WNK4: variants seen among roughly 807,000 people sequenced by gnomAD.
WNK4 encodes the protein serine/threonine-protein kinase WNK4.
Under a neutral mutation model 116.2 loss-of-function variants are expected in WNK4, and 94 were observed. The observed-to-expected ratio is 0.81, with a 90% CI of 0.68 to 0.96. The LOEUF (loss-of-function observed/expected upper bound fraction) is 0.96, where lower values mean the gene tolerates loss of function less well. Among genes scored for constraint, WNK4 ranks in the 40% least tolerant of loss-of-function variants. The pLI is 0.00. For missense variants in WNK4, 1,542 were observed against 1,650.6 expected (o/e 0.93, Z 1.14); for synonymous variants, 655 against 672.7 (o/e 0.97, Z 0.41).
At position 42,780,713 on chromosome 17, in the gene WNK4, G is replaced by A. The variant is rs768740797; in HGVS notation, c.15G>A (p.Pro5=). 29 of 1,608,356 alleles carry A rather than the reference G, an allele frequency of 1.8e-5. No individual in the cohort carries two copies. The Admixed American group carries it at 2.3e-4, about 13-fold the overall frequency. The change falls in exon 1 of 19, where the codon CCG becomes CCA. Residue 5 remains proline (P), a synonymous_variant. Transcript: ENST00000246914. The part of the protein sequence containing the change: MLAS[P]ATETTVLMSQ... ...TGCTCTTCCTCATGTTGGCATCCCC[G>A]GCCACGGAGACCACCGTCCTCATGT... is the stretch of plus-strand genomic sequence containing the variant.
At position 42,785,402 on chromosome 17, in the gene WNK4, G is replaced by T; in HGVS notation, c.1396G>T (p.Gly466Trp). 6.4e-7 allele frequency: 1 copy of T among 1,574,720 alleles called. No homozygotes were observed. The highest frequency in any genetic ancestry group is 8.6e-7 in the Non-Finnish European group (1 of 1,159,920). The change falls in exon 6 of 19, where the codon GGG (glycine) becomes TGG (tryptophan). Residue 466 changes from glycine (G) to tryptophan (W), a missense_variant. Gly to Trp is a radical substitution (Grantham distance 184, BLOSUM62 -2). Around this residue, in one of 7 missense-constraint regions of WNK4, gnomAD observed 808 missense variants for 873.6 expected, o/e 0.92. Transcript: ENST00000246914. ...WLRMEDARRGGRPRDNQAIEF... is the reference protein window; with the variant it reads ...WLRMEDARRGWRPRDNQAIEF... ...GCGCATGGAGGACGCGCGGCGCGGG[G>T]GGCGCCCACGGGACAACCAGGCCAT...
chr17:42,782,693 A>T lies in WNK4; in HGVS notation c.619-65A>T. The T allele has an allele frequency of 3.8e-6, 6 of 1,594,134 alleles. No homozygotes were observed. Among genetic ancestry groups the T allele is most frequent in the Non-Finnish European group, 5.1e-6 (6 of 1,167,406 alleles). ...TCACCTCTTCCCCCAACCCCACTCCAGGTGTCCCTCTTCCTTTCTGTGGGT... is the reference window on the plus strand; with the variant it reads ...TCACCTCTTCCCCCAACCCCACTCCTGGTGTCCCTCTTCCTTTCTGTGGGT... On this transcript the variant is annotated intron_variant, in intron 1 of 18. Coordinates refer to ENST00000246914, the MANE Select transcript of WNK4 (RefSeq NM_032387.5). This position sits in a 1 kb window ranked among gnomAD's most constrained non-coding sequence, Gnocchi z 4.2.
rs773000314 is a variant in WNK4, at chr17:42,796,011, G to A, written c.3409G>A (p.Glu1137Lys). The A allele has an allele frequency of 1.2e-6, 2 of 1,613,896 alleles. No homozygotes were observed. Among genetic ancestry groups the A allele is most frequent in the South Asian group, 2.2e-5 (2 of 91,076 alleles). ...SSGEDEEFWAELQSLRQKHLS... is the reference protein window; with the variant it reads ...SSGEDEEFWAKLQSLRQKHLS... Reference sequence around the variant, plus strand: ...TGGGGAAGATGAGGAGTTCTGGGCTGAGCTGCAGAGTCTTCGGCAGAAGTG... The same window carrying A: ...TGGGGAAGATGAGGAGTTCTGGGCTAAGCTGCAGAGTCTTCGGCAGAAGTG... The change falls in exon 16 of 19, where the codon GAG becomes AAG. Residue 1137 changes from glutamate to lysine, a missense_variant. Glu to Lys is a moderately conservative substitution (Grantham distance 56). This residue lies in a region of WNK4 where 148 missense variants were observed against 157.2 expected (regional missense o/e 0.94). Coordinates refer to ENST00000246914, the MANE Select transcript of WNK4 (RefSeq NM_032387.5).
rs1000356260 is a variant in WNK4, at chr17:42,781,317, G to A, written c.618+1G>A. 1 of 1,614,010 alleles carries A rather than the reference G, an allele frequency of 6.2e-7. No homozygotes were observed. The highest frequency in any genetic ancestry group is 1.3e-5 in the African/African-American group (1 of 74,924). On this transcript the variant is annotated splice_donor_variant, in intron 1 of 18. Transcript: ENST00000246914. LOFTEE classifies it high-confidence loss of function. Reference sequence around the variant, plus strand: ...GGAGGTGGCCTGGTGTGAGCTGCAGGTGCGGCTGGGAGCCCCCTCGGTGGC... The same window carrying A: ...GGAGGTGGCCTGGTGTGAGCTGCAGATGCGGCTGGGAGCCCCCTCGGTGGC...
At chr17:42,794,689 T>C in intron 13 of WNK4, 21 bp downstream of exon 13, 1 of 1,613,864 alleles carries the variant, frequency 6.2e-7, no homozygotes, top group Non-Finnish European at 8.5e-7. Flanking sequence ...AGTTGTGTCC[T>C]TGCTCATCCC....
chr17:42,780,970 G>A lies in WNK4; in HGVS notation c.272G>A (p.Gly91Asp). ...CCCCCCGATCCTCCGGACTCCGCTG[G>A]TCCTGGCCCCGCGAGGAGCCCACCG... Reference protein sequence around the residue: ...PDPPDPPDSAGPGPARSPPPS... With the variant: ...PDPPDPPDSADPGPARSPPPS... The change falls in exon 1 of 19, where the codon GGT (glycine) becomes GAT (aspartate). Residue 91 changes from glycine to aspartate, a missense_variant. By Grantham distance (94) the Gly-to-Asp change is moderately conservative (BLOSUM62 -1). This residue lies in a region of WNK4 where 243 missense variants were observed against 217.8 expected (regional missense o/e 1.12). Coordinates refer to ENST00000246914, the MANE Select transcript of WNK4 (RefSeq NM_032387.5). The A allele has an allele frequency of 3.7e-6, 6 of 1,610,430 alleles. No homozygotes were observed. The highest frequency in any genetic ancestry group is 5.1e-6 in the Non-Finnish European group (6 of 1,179,598).
rs2054520513 is a variant in WNK4 at position 42,784,496 on chromosome 17, A to T, written c.1087A>T (p.Met363Leu). ...GGCCGTGGACGTGTACGCGTTCGGC[A>T]TGTGCATGCTGGAGATGGCCACCTC... is the stretch of plus-strand genomic sequence containing the variant. The part of the protein sequence containing the change: ...DEAVDVYAFG[M>L]CMLEMATSEY... The change falls in exon 4 of 19, where the codon ATG (methionine) becomes TTG (leucine). Residue 363 changes from methionine to leucine, a missense_variant. Transcript: ENST00000246914. The surrounding 1 kb of genome is among the most constrained non-coding windows in gnomAD (Gnocchi z 4.4). The T allele has an allele frequency of 6.2e-7, 1 of 1,613,916 alleles. No homozygotes were observed. The highest frequency in any genetic ancestry group is 2.2e-5 in the East Asian group (1 of 44,850).
Position 42,794,956 on chromosome 17 carries a change from CATTTCTT to C in WNK4, c.2536_2542del (p.Ile846ProfsTer87), listed in dbSNP as rs2054647792. The C allele has an allele frequency of 6.2e-7, 1 of 1,612,782 alleles. No homozygotes were observed. The highest frequency in any genetic ancestry group is 1.7e-5 in the Admixed American group (1 of 59,850). On this transcript the variant is annotated frameshift_variant, in exon 14 of 19. Transcript: ENST00000246914. LOFTEE classifies it high-confidence loss of function. ...ATCCCAGCCCCTCCCCATTCTCCCC[CATTTCTT>C]CCCAGGTCTCCTCAAATCCCTCTCC...
In WNK4 at chr17:42,788,699, A is replaced by G; in HGVS notation, c.2059A>G (p.Arg687Gly). 1.2e-6 allele frequency: 2 copies of G among 1,613,954 alleles called. No homozygotes were observed. Among genetic ancestry groups the G allele is most frequent in the Non-Finnish European group, 8.5e-7 (1 of 1,179,874 alleles). The change falls in exon 11 of 19, where the codon AGA (arginine) becomes GGA (glycine). Residue 687 changes from arginine (R) to glycine (G), a missense_variant. Physicochemically the swap from Arg to Gly is moderately radical, Grantham distance 125. Coordinates refer to ENST00000246914, the MANE Select transcript of WNK4 (RefSeq NM_032387.5). ...RVTSVSDQNDRVVECQLQTHN... is the reference protein window; with the variant it reads ...RVTSVSDQNDGVVECQLQTHN... ...TCTGAAGGTCTCAGACCAGAATGAC[A>G]GAGTGGTTGAGTGCCAGCTACAGAC...
At chr17:42,785,914 G>T (rs372196828) in intron 6 of WNK4, among the ~76,000 whole-genome samples, 1 of 151,956 alleles carries the variant, frequency 6.6e-6, no homozygotes, top group Non-Finnish European at 1.5e-5. Flanking sequence ...CCCACTATCG[G>T]TCCTGTCTTA....
chr17:42,796,496 ACT>A lies in WNK4; in HGVS notation c.3652_3653del (p.Leu1218GlufsTer53), dbSNP rs772009924. ...CTGCTCCCAGGCATCATGCGAAGGA[ACT>A]CTCTGAGTGGCAGCAGCACCGGCTC... On this transcript the variant is annotated frameshift_variant, in exon 18 of 19. Coordinates refer to ENST00000246914, the MANE Select transcript of WNK4 (RefSeq NM_032387.5). LOFTEE classifies it high-confidence loss of function. 13 of 1,613,940 alleles carry A rather than the reference ACT, an allele frequency of 8.1e-6. No individual in the cohort carries two copies. In the African/African-American group the frequency reaches 9.3e-5, roughly 12 times the overall value.
At chr17:42,789,532 C>T (rs190677770) in intron 11 of WNK4, among the ~76,000 whole-genome samples, 98 of 152,004 alleles carry the variant, frequency 6.4e-4, no homozygotes, top group Non-Finnish European at 9.4e-4. Flanking sequence ...GGTGTGGTGG[C>T]GCATGCCTGT....
intron 11 of WNK4, among the ~76,000 whole-genome samples, chr17:42,789,665 AAAATAAAT>A (rs3138622): frequency 0.03 from 4,294 of 143,070 alleles, 197 homozygotes; most frequent in African/African-American, 0.1. Context: ...ATTCTGTCTA[AAAATAAAT>A]AAATAAATAA....
At chr17:42,783,334 A>G (rs914595248) in intron 2 of WNK4, among the ~76,000 whole-genome samples, 1 of 152,154 alleles carries the variant, frequency 6.6e-6, no homozygotes, top group African/African-American at 2.4e-5. Flanking sequence ...AGCCTGGAGA[A>G]TCTTTCCCAG....
At position 42,782,090 on chromosome 17, in the gene WNK4, A is replaced by G. The variant is rs1445825888; in HGVS notation, c.619-668A>G. On this transcript the variant is annotated intron_variant, in intron 1 of 18. Transcript: ENST00000246914. The surrounding 1 kb of genome is among the most constrained non-coding windows in gnomAD (Gnocchi z 4.2). ...GCTTCCGATTCAGATCAGGGGACAG[A>G]GCCTAGGGGAAGGGTCCCTCTCCAG... Among the ~76,000 whole-genome samples the G allele has an allele frequency of 6.6e-6, 1 of 152,132 alleles. No individual in the cohort carries two copies. The highest frequency in any genetic ancestry group is 2.4e-5 in the African/African-American group (1 of 41,430).
rs142280606 is a variant in WNK4, at chr17:42,784,130, C to T, written c.985C>T (p.Arg329Cys). The T allele has an allele frequency of 5.7e-5, 91 of 1,608,222 alleles. 1 individual carries two copies. In the Middle Eastern group the frequency reaches 1.3e-3, roughly 23 times the overall value. Residue 329 changes from arginine to cysteine, a missense_variant, in exon 3 of 19, where the codon CGC becomes TGC. Around this residue, in one of 7 missense-constraint regions of WNK4, gnomAD observed 808 missense variants for 873.6 expected, o/e 0.92. Transcript: ENST00000246914. This position sits in a 1 kb window ranked among gnomAD's most constrained non-coding sequence, Gnocchi z 4.4. ...IGDLGLATLK[R>C]ASFAKSVIGT... Reference sequence around the variant, plus strand: ...GGACCTGGGCCTGGCCACGCTCAAGCGCGCCTCCTTTGCCAAGAGTGTCAT... The same window carrying T: ...GGACCTGGGCCTGGCCACGCTCAAGTGCGCCTCCTTTGCCAAGAGTGTCAT...
At chr17:42,788,621 G>T (rs1462385440) in intron 10 of WNK4, 60 bp from the exon 11 acceptor site, 3 of 1,411,594 alleles carry the variant, frequency 2.1e-6, no homozygotes, top group Non-Finnish European at 2.0e-6. Flanking sequence ...GGGTAGGGTG[G>T]AGACACAGCA....
rs767667633 is a variant in WNK4, at chr17:42,788,730, A to G, written c.2090A>G (p.Asn697Ser). 6.2e-7 allele frequency: 1 copy of G among 1,614,152 alleles called. No individual in the cohort carries two copies. Among genetic ancestry groups the G allele is most frequent in the South Asian group, 1.1e-5 (1 of 91,072 alleles). ...GTTGAGTGCCAGCTACAGACCCATA[A>G]CAGCAAGATGGTGACCTTCCGATTT... ...RVVECQLQTH[N>S]SKMVTFRFDL... is the part of the protein sequence containing the mutation. The change falls in exon 11 of 19, where the codon AAC becomes AGC. Residue 697 changes from asparagine to serine, a missense_variant. By Grantham distance (46) the Asn-to-Ser change is conservative. Coordinates refer to ENST00000246914, the MANE Select transcript of WNK4 (RefSeq NM_032387.5).
In WNK4 at chr17:42,784,984, T is replaced by G; in HGVS notation, c.1171-113T>G. ...CATCTTCCAGTAGCAGTCAGGCTTT[T>G]GCAACTGCACGCGCAGCTGCCTAAG... On this transcript the variant is annotated intron_variant, in intron 4 of 18. Transcript: ENST00000246914. The surrounding 1 kb of genome is among the most constrained non-coding windows in gnomAD (Gnocchi z 4.4). 1 of 1,068,788 alleles carries G rather than the reference T, an allele frequency of 9.4e-7. No individual in the cohort carries two copies. Among genetic ancestry groups the G allele is most frequent in the Non-Finnish European group, 1.4e-6 (1 of 717,896 alleles). 66.2% of individuals were successfully genotyped at this position (1,068,788 alleles called of 1,614,324 possible).
Sources: gnomAD v4.1 joint callset for allele counts (sites outside exome capture counted in the v4.1 genomes callset) on GRCh38, gnomAD v4.1.1 for gene constraint, gnomAD v4.1.1 regional missense constraint, Gnocchi (gnomAD v3.1) non-coding constraint, MANE v1.5 for transcripts, NCBI Gene and HGNC (gene_info 2026-07-23, HGNC 2026-07-21) for gene names.